SARNP: variants seen among roughly 807,000 people sequenced by gnomAD.
The protein encoded by SARNP is SAP domain-containing ribonucleoprotein.
A neutral mutation model predicts 38.1 loss-of-function variants in SARNP; 5 were observed. The ratio of observed to expected loss-of-function variants is 0.13; its 90% CI spans 0.07 to 0.28. The LOEUF (loss-of-function observed/expected upper bound fraction) is 0.28, where lower values mean the gene tolerates loss of function less well. Among genes scored for constraint, SARNP ranks in the 10% least tolerant of loss-of-function variants. SARNP has a pLI of 1.00. For missense variants in SARNP, 180 were observed against 243.9 expected, an observed-to-expected ratio of 0.74 and a Z score of 1.75; for synonymous variants, 84 against 80.6, an observed-to-expected ratio of 1.04 and a Z score of -0.23.
At chr12:55,756,865 C>T (rs970022688), downstream of SARNP, 4 of 152,204 alleles carry the variant, frequency 2.6e-5, no homozygotes, top group African/African-American at 7.2e-5. Flanking sequence ...GAAATCAGGG[C>T]CCTTTTCCTT....
intron 9 of SARNP, among the ~76,000 whole-genome samples, chr12:55,777,443 A>T (rs1459922705): frequency 6.7e-6 from 1 of 150,186 alleles, no homozygotes; most frequent in Non-Finnish European, 1.5e-5. Flanking sequence ...GGCACCATCT[A>T]GGCTCACTGC....
chr12:55,756,708 T>C (rs1878515703), downstream of SARNP: 1 of 152,238 alleles, frequency 6.6e-6, no homozygotes, highest in Non-Finnish European at 1.5e-5. Flanking sequence ...ATGTTCCCAA[T>C]GATTTAGCTA....
chr12:55,753,989 A>C (rs1486549385), downstream of SARNP: 3 of 152,094 alleles, frequency 2.0e-5, no homozygotes, highest in Non-Finnish European at 2.9e-5. Context: ...AAAAATAAGG[A>C]AAGCTCCTGT....
At chr12:55,811,481 G>C (rs1880325712) in intron 1 of SARNP, among the ~76,000 whole-genome samples, 1 of 151,706 alleles carries the variant, frequency 6.6e-6, no homozygotes, top group Non-Finnish European at 1.5e-5. Flanking sequence ...GGCTGAGGTG[G>C]ATCACTTGAG....
chr12:55,760,675 T>C (rs763930734), intron 9 of SARNP, 35 bp from the exon 10 acceptor site: 25 of 1,395,032 alleles, frequency 1.8e-5, no homozygotes, highest in Middle Eastern at 1.8e-4. Context: ...TGAAACAAAC[T>C]AGCCTCCATT....
chr12:55,801,005 C>T, intron 2 of SARNP, 105 bp from the exon 3 acceptor site: 1 of 889,702 alleles, frequency 1.1e-6, no homozygotes, highest in South Asian at 1.4e-5. Context: ...AAAAATCCAA[C>T]AGTGAAGGCA....
At chr12:55,784,667 G>A (rs530448195) in intron 9 of SARNP, among the ~76,000 whole-genome samples, 39 of 152,326 alleles carry the variant, frequency 2.6e-4, no homozygotes, top group African/African-American at 9.4e-4. Flanking sequence ...AAGTATGAAA[G>A]CTGTGTGGGA....
intron 9 of SARNP, among the ~76,000 whole-genome samples, chr12:55,782,620 T>TC (rs1239011235): frequency 6.6e-6 from 1 of 152,130 alleles, no homozygotes; most frequent in African/African-American, 2.4e-5. Context: ...GGGGTCTCAC[T>TC]CCATCACTCA....
At chr12:55,764,494 G>A (rs950130574) in intron 9 of SARNP, among the ~76,000 whole-genome samples, 2 of 144,956 alleles carry the variant, frequency 1.4e-5, no homozygotes, top group African/African-American at 5.2e-5. Context: ...TCTCGCCATT[G>A]CACTCCAGCC....
At chr12:55,774,301 T>C (rs1056997862) in intron 9 of SARNP, among the ~76,000 whole-genome samples, 6 of 151,394 alleles carry the variant, frequency 4.0e-5, no homozygotes. Context: ...TGTACCACAT[T>C]TGTTCATTTC....
intron 9 of SARNP, among the ~76,000 whole-genome samples, chr12:55,771,754 C>CT (rs1276055657): frequency 1.3e-5 from 2 of 152,114 alleles, no homozygotes; most frequent in Non-Finnish European, 2.9e-5. Context: ...TCAGGCCAGT[C>CT]TGATTTCCAA....
At chr12:55,777,595 C>T (rs896977664) in intron 9 of SARNP, among the ~76,000 whole-genome samples, 4 of 152,042 alleles carry the variant, frequency 2.6e-5, no homozygotes, top group East Asian at 1.9e-4. Flanking sequence ...AGGATGTTCT[C>T]GATCTCCTGA....
intron 9 of SARNP, among the ~76,000 whole-genome samples, chr12:55,782,382 A>G (rs1477510128): frequency 1.3e-5 from 2 of 152,136 alleles, no homozygotes; most frequent in Non-Finnish European, 2.9e-5. Context: ...TGGATTTCCT[A>G]TAATGTCCTA....
At chr12:55,762,326 G>A (rs1452911071) in intron 9 of SARNP, among the ~76,000 whole-genome samples, 1 of 146,144 alleles carries the variant, frequency 6.8e-6, no homozygotes, top group Non-Finnish European at 1.5e-5. Flanking sequence ...TTTTTTTTGA[G>A]ACAGAGTCTT....
In SARNP at chr12:55,789,360, T is replaced by C. The variant is rs577415618; in HGVS notation, c.433-217A>G. Among the ~76,000 whole-genome samples, 4 of 152,308 alleles carry C rather than the reference T, an allele frequency of 2.6e-5. No individual in the cohort carries two copies. In the East Asian group the frequency reaches 7.7e-4, roughly 29 times the overall value. Reference sequence around the variant, plus strand: ...GATTCAGCCCTGCCTCCTGCATTTATCACAGGTGTCAAGAGCCTAAGGAGG... The same window carrying C: ...GATTCAGCCCTGCCTCCTGCATTTACCACAGGTGTCAAGAGCCTAAGGAGG... On this transcript the variant is annotated intron_variant, in intron 8 of 10. Transcript: ENST00000336133.
intron 9 of SARNP, among the ~76,000 whole-genome samples, chr12:55,766,620 G>T (rs1208301960): frequency 3.5e-5 from 4 of 115,608 alleles, no homozygotes; most frequent in Non-Finnish European, 6.7e-5. Context: ...TTTTGGCGGG[G>T]GGGGGGGGGG....
At chr12:55,753,606 C>T (rs1878404444), downstream of SARNP, 1 of 152,004 alleles carries the variant, frequency 6.6e-6, no homozygotes, top group Non-Finnish European at 1.5e-5. Flanking sequence ...CTCATCTCTA[C>T]TAAAATACCC....
intron 2 of SARNP, among the ~76,000 whole-genome samples, 190 bp downstream of exon 2, chr12:55,803,439 G>A (rs1011049467): frequency 6.6e-6 from 1 of 151,128 alleles, no homozygotes; most frequent in Non-Finnish European, 1.5e-5. Context: ...AGCTGAAACT[G>A]CGTCACTGCA....
intron 1 of SARNP, among the ~76,000 whole-genome samples, chr12:55,808,474 C>A (rs911814454): frequency 6.6e-6 from 1 of 152,132 alleles, no homozygotes; most frequent in Non-Finnish European, 1.5e-5. Flanking sequence ...CGCCACCATG[C>A]CTGGCTAATT....
Sources: gnomAD v4.1 joint callset for allele counts (sites outside exome capture counted in the v4.1 genomes callset) on GRCh38, gnomAD v4.1.1 for gene constraint, MANE v1.5 for transcripts, NCBI Gene and HGNC (gene_info 2026-07-23, HGNC 2026-07-21) for gene names.